The following EEF1G variants were observed in gnomAD, a reference collection of about 807,000 sequenced individuals.
EEF1G encodes the protein elongation factor 1-gamma.
EEF1G carries 14 observed loss-of-function variants against 58.3 expected under a neutral mutation model. The observed-to-expected ratio is 0.24, with a 90% CI of 0.16 to 0.38. EEF1G has a LOEUF of 0.38. Among genes scored for constraint, EEF1G ranks in the 10% least tolerant of loss-of-function variants. EEF1G has a pLI of 1.00. For missense variants in EEF1G, 322 were observed against 550.1 expected, an observed-to-expected ratio of 0.59 and a Z score of 4.15; for synonymous variants, 180 against 206.8, an observed-to-expected ratio of 0.87 and a Z score of 1.11.
At chr11:62,561,682 C>CAAAAAAAAAAAA (rs58957254) in intron 7 of EEF1G, among the ~76,000 whole-genome samples, 1 of 124,602 alleles carries the variant, frequency 8.0e-6, no homozygotes, top group Non-Finnish European at 1.7e-5. Flanking sequence ...AAAAAAAAAA[C>CAAAAAAAAAAAA]AAAAAAAAAA....
At chr11:62,571,781 CCT>C (rs2134297093) in intron 3 of EEF1G, 55 bp downstream of exon 3, 1 of 1,565,742 alleles carries the variant, frequency 6.4e-7, no homozygotes, top group East Asian at 2.4e-5. Flanking sequence ...TCACACTTAT[CCT>C]CTCCTACACC....
chr11:62,571,777 T>A, intron 3 of EEF1G, 61 bp downstream of exon 3: 1 of 1,564,676 alleles, frequency 6.4e-7, no homozygotes, highest in Non-Finnish European at 8.7e-7. Flanking sequence ...CCGCTCACAC[T>A]TATCCTCTCC....
intron 5 of EEF1G, among the ~76,000 whole-genome samples, chr11:62,568,973 C>CAA (rs71458422): frequency 7.2e-4 from 95 of 132,666 alleles, no homozygotes; most frequent in Admixed American, 2.3e-3. Flanking sequence ...GACTTCGTCT[C>CAA]AAAAAAAAAA....
At chr11:62,563,450 T>G (rs1941522180) in intron 7 of EEF1G, among the ~76,000 whole-genome samples, 1 of 152,056 alleles carries the variant, frequency 6.6e-6, no homozygotes. Context: ...ACAAAACAAT[T>G]TTTTGCACTA....
At position 62,567,396 on chromosome 11, in the gene EEF1G, C is replaced by A; in HGVS notation, c.652+3G>T. The A allele has an allele frequency of 6.2e-7, 1 of 1,610,122 alleles. No homozygotes were observed. The highest frequency in any genetic ancestry group is 1.1e-5 in the South Asian group (1 of 90,344). On this transcript the variant is annotated splice_donor_region_variant and intron_variant, in intron 6 of 9. Coordinates refer to ENST00000329251, the MANE Select transcript of EEF1G (RefSeq NM_001404.5). The stretch of plus-strand genomic sequence containing the variant: ...ATATGCCTCCCAGTCTCCTCAGACT[C>A]ACCATCAAACTGGGCCATCTTCTCA...
At chr11:62,566,001 G>A (rs965672194) in intron 7 of EEF1G, among the ~76,000 whole-genome samples, 51 of 152,122 alleles carry the variant, frequency 3.4e-4, no homozygotes, top group Non-Finnish European at 2.9e-5. Flanking sequence ...ATGACAGGGT[G>A]AGTGGGAGGA....
rs116860603 is a variant in EEF1G, at chr11:62,561,820, A to T, written c.858-1366T>A. On this transcript the variant is annotated intron_variant, in intron 7 of 9. Coordinates refer to ENST00000329251, the MANE Select transcript of EEF1G (RefSeq NM_001404.5). ...CTTTAACCACCTAGCCTTGCTTCTC[A>T]TGTAAATAAGACTCTCTCTCTAGCT... Among the ~76,000 whole-genome samples the T allele has an allele frequency of 5.4e-3, 815 of 152,108 alleles. 5 individuals are homozygous for T. Among genetic ancestry groups the T allele is most frequent in the Middle Eastern group, 0.017 (5 of 294 alleles).
rs566287754 is a variant in EEF1G at position 62,562,686 on chromosome 11, G to A, written c.858-2232C>T. Among the ~76,000 whole-genome samples, 4 of 152,184 alleles carry A rather than the reference G, an allele frequency of 2.6e-5. No individual in the cohort carries two copies. The South Asian group carries it at 8.3e-4, about 32-fold the overall frequency. On this transcript the variant is annotated intron_variant, in intron 7 of 9. Coordinates refer to ENST00000329251, the MANE Select transcript of EEF1G (RefSeq NM_001404.5). ...AGTAGAGACGAGGTTTCACTATGTT[G>A]GTCAGGCTGGTCTTGAACTCTTGAC...
intron 5 of EEF1G, among the ~76,000 whole-genome samples, chr11:62,570,626 C>G (rs988134539): frequency 1.3e-5 from 2 of 152,158 alleles, no homozygotes; most frequent in Non-Finnish European, 2.9e-5. Context: ...GCGATCGCTG[C>G]TCACTGCAAC....
intron 7 of EEF1G, among the ~76,000 whole-genome samples, chr11:62,564,063 T>G (rs1941528784): frequency 6.6e-6 from 1 of 152,206 alleles, no homozygotes; most frequent in Non-Finnish European, 1.5e-5. Context: ...GCCTGCCAAG[T>G]AGTATGAGCC....
intron 7 of EEF1G, among the ~76,000 whole-genome samples, chr11:62,561,656 G>A (rs1410619192): frequency 1.1e-4 from 13 of 118,926 alleles, no homozygotes; most frequent in Non-Finnish European, 1.5e-4. Context: ...GCAAGACTCC[G>A]TCTCAAAAAA....
At chr11:62,572,125 G>T (rs1253645151) in intron 2 of EEF1G, among the ~76,000 whole-genome samples, 3 of 151,954 alleles carry the variant, frequency 2.0e-5, no homozygotes, top group Non-Finnish European at 4.4e-5. Context: ...GAATATTACA[G>T]GATATTTGTA....
At chr11:62,563,325 C>T (rs989739912) in intron 7 of EEF1G, among the ~76,000 whole-genome samples, 3 of 151,950 alleles carry the variant, frequency 2.0e-5, no homozygotes, top group Non-Finnish European at 2.9e-5. Context: ...TTAGTAGAGA[C>T]GGTATTTTTA....
In EEF1G at chr11:62,560,208, G is replaced by A. The variant is rs1460128070; in HGVS notation, c.1031-15C>T. The A allele has an allele frequency of 6.2e-7, 1 of 1,614,032 alleles. No individual in the cohort carries two copies. On this transcript the variant is annotated splice_polypyrimidine_tract_variant and intron_variant, in intron 8 of 9. Transcript: ENST00000329251. Reference sequence around the variant, plus strand: ...CTGGAACATTCCTGAAGCGGCAAGGGAGAACATTCAGCCTTTGGAATCACA... The same window carrying A: ...CTGGAACATTCCTGAAGCGGCAAGGAAGAACATTCAGCCTTTGGAATCACA...
At chr11:62,572,772 T>G (rs1397230839) in intron 1 of EEF1G, 30 bp from the exon 2 acceptor site, 1 of 1,594,080 alleles carries the variant, frequency 6.3e-7, no homozygotes, top group Admixed American at 1.7e-5. Context: ...ACAAAATTAA[T>G]GAGTAGAAGG....
At chr11:62,562,908 C>A (rs537443857) in intron 7 of EEF1G, among the ~76,000 whole-genome samples, 2 of 152,090 alleles carry the variant, frequency 1.3e-5, no homozygotes, top group Non-Finnish European at 2.9e-5. Flanking sequence ...ATTCTTTCAG[C>A]CTGGGAAATA....
At position 62,567,263 on chromosome 11, in the gene EEF1G, A is replaced by G. The variant is rs188640580; in HGVS notation, c.652+136T>C. ...ATGAGTGTACACGAAACTGCACATA[A>G]TATTAGCTACCACATTGACACCCTA... On this transcript the variant is annotated intron_variant, in intron 6 of 9. Coordinates refer to ENST00000329251, the MANE Select transcript of EEF1G (RefSeq NM_001404.5). The G allele has an allele frequency of 2.0e-5, 24 of 1,220,750 alleles. No individual in the cohort carries two copies. In the East Asian group the frequency reaches 3.1e-4, roughly 16 times the overall value. The allele number at this position is 1,220,750 out of a possible 1,614,324, so 75.6% of individuals were successfully genotyped here.
At chr11:62,562,280 G>C (rs151227831) in intron 7 of EEF1G, among the ~76,000 whole-genome samples, 3 of 152,128 alleles carry the variant, frequency 2.0e-5, no homozygotes, top group Admixed American at 6.5e-5. Flanking sequence ...CCTCAGGGCC[G>C]AGAGATTTTT....
rs1300689607 is a variant in EEF1G, at chr11:62,560,494, A to G, written c.858-40T>C. 1.9e-6 allele frequency: 3 copies of G among 1,593,966 alleles called. No homozygotes were observed. In the Admixed American group the frequency reaches 5.3e-5, roughly 28 times the overall value. ...GCACAGGGGTCAATCAATAAGGAGG[A>G]AGGTTGCCAGGCTAAGAGAAGTGAA... On this transcript the variant is annotated intron_variant, in intron 7 of 9. Transcript: ENST00000329251.
Sources: allele counts gnomAD v4.1 joint callset (sites outside exome capture counted in the v4.1 genomes callset), GRCh38; gene constraint gnomAD v4.1.1; transcripts MANE v1.5; gene names NCBI Gene and HGNC (gene_info 2026-07-23, HGNC 2026-07-21).